The following MAST2 variants were observed in gnomAD, a reference collection of about 807,000 sequenced individuals.
MAST2 encodes the protein microtubule-associated serine/threonine-protein kinase 2.
In MAST2, 70 loss-of-function variants were observed where a neutral mutation model predicts 147.4. That is an observed-to-expected ratio of 0.47 (90% CI 0.39 to 0.58). MAST2 has a LOEUF of 0.58. Among genes scored for constraint, MAST2 ranks in the 20% least tolerant of loss-of-function variants. MAST2 has a pLI of 0.00. For missense variants in MAST2, 2,080 were observed against 2,302.3 expected (o/e 0.90, Z 1.98); for synonymous variants, 869 against 896.8 (o/e 0.97, Z 0.55).
In MAST2 at chr1:46,034,272, A is replaced by C; in HGVS notation, c.3868+6A>C. The C allele has an allele frequency of 6.2e-7, 1 of 1,609,668 alleles. No individual in the cohort carries two copies. The highest frequency in any genetic ancestry group is 1.7e-5 in the Admixed American group (1 of 59,644). ...CCCCGATGCTGTGCATTCAGGTACGAAGGGCTCCCTGCAGATCAGTGACAA... is the reference window on the plus strand; with the variant it reads ...CCCCGATGCTGTGCATTCAGGTACGCAGGGCTCCCTGCAGATCAGTGACAA... On this transcript the variant is annotated splice_donor_region_variant and intron_variant, in intron 28 of 28. Transcript: ENST00000361297.
At chr1:46,017,923 A>G (rs1353524481) in intron 10 of MAST2, among the ~76,000 whole-genome samples, 2 of 152,176 alleles carry the variant, frequency 1.3e-5, no homozygotes, top group Non-Finnish European at 2.9e-5. Flanking sequence ...CTTTCCTTGT[A>G]TCCTATTTAC....
chr1:45,906,866 G>A (rs1205667558), intron 4 of MAST2, among the ~76,000 whole-genome samples: 2 of 148,002 alleles, frequency 1.4e-5, no homozygotes, highest in Non-Finnish European at 3.0e-5. Flanking sequence ...CATGGTAAGT[G>A]CCCTATACAA....
intron 4 of MAST2, among the ~76,000 whole-genome samples, chr1:45,959,018 T>G (rs1279682022): frequency 2.0e-5 from 3 of 152,228 alleles, no homozygotes; most frequent in African/African-American, 4.8e-5. Context: ...ATGAGAATAT[T>G]TTGACTTGTG....
intron 4 of MAST2, among the ~76,000 whole-genome samples, chr1:45,924,377 A>C (rs1003228492): frequency 6.6e-6 from 1 of 152,218 alleles, no homozygotes; most frequent in African/African-American, 2.4e-5. Flanking sequence ...TAGCAAGTAA[A>C]GTAGAAAGAT....
At chr1:45,875,982 G>A (rs1374812167) in intron 3 of MAST2, among the ~76,000 whole-genome samples, 1 of 152,180 alleles carries the variant, frequency 6.6e-6, no homozygotes, top group Non-Finnish European at 1.5e-5. Context: ...TGAAGGATGA[G>A]CCTGCAAAGA....
intron 3 of MAST2, chr1:45,847,275 T>G (rs1645467392): frequency 2.0e-6 from 1 of 510,518 alleles, no homozygotes; most frequent in Non-Finnish European, 4.0e-6. Flanking sequence ...GATGATGGTG[T>G]CCTGGGAACA....
intron 3 of MAST2, among the ~76,000 whole-genome samples, chr1:45,837,077 G>A (rs1319673239): frequency 6.6e-6 from 1 of 152,106 alleles, no homozygotes; most frequent in Non-Finnish European, 1.5e-5. Context: ...GAGTTCAGGC[G>A]GTAATGCTCA....
intron 4 of MAST2, among the ~76,000 whole-genome samples, chr1:45,940,599 C>T (rs1657098587): frequency 6.7e-6 from 1 of 149,958 alleles, no homozygotes; most frequent in South Asian, 2.1e-4. Flanking sequence ...AGTGTGTCTA[C>T]AGAGCAAAGA....
At chr1:45,915,671 C>CTGTACTCCAGCCTGGG (rs1164029155) in intron 4 of MAST2, among the ~76,000 whole-genome samples, 1 of 145,988 alleles carries the variant, frequency 6.8e-6, no homozygotes, top group East Asian at 2.0e-4. Context: ...GATGGCGCCA[C>CTGTACTCCAGCCTGGG]TGTACTCCAG....
chr1:45,944,470 T>C (rs1026670686), intron 4 of MAST2, among the ~76,000 whole-genome samples: 2 of 152,204 alleles, frequency 1.3e-5, no homozygotes, highest in Non-Finnish European at 2.9e-5. Flanking sequence ...ATTATGATTA[T>C]GTCTGTTTTC....
intron 5 of MAST2, among the ~76,000 whole-genome samples, chr1:45,974,363 A>G (rs1231010273): frequency 1.3e-5 from 2 of 152,204 alleles, no homozygotes; most frequent in Admixed American, 6.5e-5. Flanking sequence ...TCAGGAGGCC[A>G]AGGCGGGAGA....
chr1:46,020,764 T>C lies in MAST2; in HGVS notation c.1290+1067T>C, dbSNP rs1034168838. ...GGATGGGTTTGCCTTTTGTACAGTT[T>C]CCTAGAAATGAAACCATGTTTCTGT... is the stretch of plus-strand genomic sequence containing the variant. On this transcript the variant is annotated intron_variant, in intron 11 of 28. Transcript: ENST00000361297. 2.6e-5 allele frequency among the ~76,000 whole-genome samples: 4 copies of C among 152,224 alleles called. No homozygotes were observed. In the South Asian group the frequency reaches 8.3e-4, roughly 31 times the overall value.
intron 1 of MAST2, among the ~76,000 whole-genome samples, chr1:45,822,899 T>A (rs945892951): frequency 2.6e-5 from 4 of 152,236 alleles, no homozygotes; most frequent in East Asian, 3.8e-4. Flanking sequence ...CTTCTGTTTT[T>A]GCATTAAGTT....
rs182227197 is a variant in MAST2, at chr1:45,965,480, G to C, written c.592+6003G>C. ...ATTGATCCCTTTACCATTATGTAAT[G>C]GCCTTCTTTGTCTCTCTTGATCTTT... On this transcript the variant is annotated intron_variant, in intron 5 of 28. Coordinates refer to ENST00000361297, the MANE Select transcript of MAST2 (RefSeq NM_015112.3). Among the ~76,000 whole-genome samples, 468 of 152,184 alleles carry C rather than the reference G, an allele frequency of 3.1e-3. 2 individuals are homozygous for C. The highest frequency in any genetic ancestry group is 0.013 in the Admixed American group (193 of 15,282).
chr1:45,821,357 T>C (rs1048523332), intron 1 of MAST2, among the ~76,000 whole-genome samples: 7 of 152,162 alleles, frequency 4.6e-5, no homozygotes, highest in African/African-American at 1.7e-4. Context: ...CTTGCTGCTT[T>C]GAATATTATT....
At position 46,023,268 on chromosome 1, in the gene MAST2, C is replaced by A; in HGVS notation, c.1521C>A (p.Pro507=). 6.2e-7 allele frequency: 1 copy of A among 1,614,230 alleles called. No homozygotes were observed. The highest frequency in any genetic ancestry group is 8.5e-7 in the Non-Finnish European group (1 of 1,180,044). Residue 507 remains proline, a synonymous_variant, in exon 14 of 29, where the codon CCC becomes CCA. Coordinates refer to ENST00000361297, the MANE Select transcript of MAST2 (RefSeq NM_015112.3). The surrounding 1 kb of genome is among the most constrained non-coding windows in gnomAD (Gnocchi z 4.9). ...CATCTCTGCCATCTAAAAAGACACC[C>A]TCTGAAGAGGACTTCGAGACCATTA... ...HGASLPSKKT[P]SEEDFETIKL...
chr1:46,030,728 G>A lies in MAST2; in HGVS notation c.2675G>A (p.Arg892Gln), dbSNP rs200632993. 2,573 of 1,596,442 alleles carry A rather than the reference G, an allele frequency of 1.6e-3. 4 individuals carry two copies. The highest frequency in any genetic ancestry group is 1.8e-3 in the Non-Finnish European group (2,109 of 1,174,032). ...GATGGCCTGGCAGGGCTCAAAGGCCGAGACCGGAGCTGGGTGATTGGCTCC... is the reference window on the plus strand; with the variant it reads ...GATGGCCTGGCAGGGCTCAAAGGCCAAGACCGGAGCTGGGTGATTGGCTCC... ...HSDGLAGLKGRDRSWVIGSPE... is the reference protein window; with the variant it reads ...HSDGLAGLKGQDRSWVIGSPE... The change falls in exon 22 of 29, where the codon CGA becomes CAA. Residue 892 changes from arginine (R) to glutamine (Q), a missense_variant. This residue lies in a region of MAST2 where 1,278 missense variants were observed against 1,304.2 expected (regional missense o/e 0.98). Coordinates refer to ENST00000361297, the MANE Select transcript of MAST2 (RefSeq NM_015112.3).
intron 4 of MAST2, chr1:45,917,446 T>G (rs752998177): frequency 7.3e-7 from 1 of 1,366,596 alleles, no homozygotes; most frequent in Non-Finnish European, 9.8e-7. Flanking sequence ...GATTGTGCTT[T>G]GGCTACTTCT....
intron 4 of MAST2, chr1:45,913,860 G>C (rs759489735): frequency 8.0e-7 from 1 of 1,244,850 alleles, no homozygotes; most frequent in South Asian, 1.4e-5. Context: ...GAGACTGGGA[G>C]CACCATGTCT....
Sources: allele counts gnomAD v4.1 joint callset (sites outside exome capture counted in the v4.1 genomes callset), GRCh38; gene constraint gnomAD v4.1.1; regional missense constraint gnomAD v4.1.1; non-coding constraint Gnocchi (gnomAD v3.1); transcripts MANE v1.5; gene names NCBI Gene and HGNC (gene_info 2026-07-23, HGNC 2026-07-21).